Variants in COL24A1 observed in about 807,000 individuals in gnomAD.
The protein encoded by COL24A1 is collagen type XXIV alpha 1 chain.
In COL24A1, 224 loss-of-function variants were observed where a neutral mutation model predicts 253.9. The ratio of observed to expected loss-of-function variants is 0.88; its 90% CI spans 0.79 to 0.99. The LOEUF (loss-of-function observed/expected upper bound fraction) is 0.99, where lower values mean the gene tolerates loss of function less well. Ranked by LOEUF, COL24A1 falls within the 50% of genes least tolerant of loss-of-function variation. The pLI, the probability that COL24A1 is intolerant of heterozygous loss-of-function variation, is 0.00. For synonymous variants in COL24A1, 685 were observed against 673.7 expected (o/e 1.02, Z -0.26); for missense variants, 2,131 against 2,068.5 (o/e 1.03, Z -0.59).
intron 47 of COL24A1, among the ~76,000 whole-genome samples, chr1:85,792,413 G>T (rs545110404): frequency 6.6e-6 from 1 of 151,466 alleles, no homozygotes; most frequent in Non-Finnish European, 1.5e-5. Flanking sequence ...GAGACCAGGT[G>T]TGGTGGCTCA....
At chr1:85,924,100 C>A (rs188786287) in intron 24 of COL24A1, among the ~76,000 whole-genome samples, 2 of 152,134 alleles carry the variant, frequency 1.3e-5, no homozygotes, top group Non-Finnish European at 2.9e-5. Context: ...GACACATACA[C>A]CCTCCAAAGA....
At position 85,875,324 on chromosome 1, in the gene COL24A1, G is replaced by C. The variant is rs1262647728; in HGVS notation, c.3037C>G (p.Pro1013Ala). Residue 1013 changes from proline to alanine, a missense_variant, in exon 34 of 60, where the codon CCA (proline) becomes GCA (alanine). Coordinates refer to ENST00000370571, the MANE Select transcript of COL24A1 (RefSeq NM_152890.7). ...AGACCAGACTCTCCCTCAGTGCCTG[G>C]AGGTCCCTACAAGAGAATAATTTAA... ...PPGEMGMEGP[P>A]GTEGESGLQG... 6.2e-7 allele frequency: 1 copy of C among 1,613,466 alleles called. No individual in the cohort carries two copies. The highest frequency in any genetic ancestry group is 2.2e-5 in the East Asian group (1 of 44,876).
At chr1:85,847,631 G>C (rs1449242887) in intron 39 of COL24A1, 34 bp downstream of exon 39, 1 of 1,495,006 alleles carries the variant, frequency 6.7e-7, no homozygotes, top group Non-Finnish European at 9.3e-7. Context: ...CCCATCCACA[G>C]TGACTCAATT....
chr1:85,981,403 C>A (rs1342140145), intron 20 of COL24A1, among the ~76,000 whole-genome samples: 1 of 152,048 alleles, frequency 6.6e-6, no homozygotes, highest in Admixed American at 6.6e-5. Context: ...AGAAAGGACA[C>A]CCTATTCAAC....
At chr1:86,019,393 A>C (rs1464915670) in intron 18 of COL24A1, among the ~76,000 whole-genome samples, 1 of 64,842 alleles carries the variant, frequency 1.5e-5, no homozygotes. Flanking sequence ...TGGTTTCTAC[A>C]ATTTTTTTTT....
At chr1:85,745,527 T>C (rs768231957) in intron 55 of COL24A1, 21 bp from the exon 56 acceptor site, 2 of 1,591,132 alleles carry the variant, frequency 1.3e-6, no homozygotes, top group South Asian at 1.1e-5. Context: ...CAAAACCATT[T>C]GAGATTAGCA....
chr1:86,019,726 T>C (rs190560793), intron 18 of COL24A1, among the ~76,000 whole-genome samples: 12 of 152,238 alleles, frequency 7.9e-5, no homozygotes, highest in Admixed American at 4.6e-4. Context: ...AAATCAATTA[T>C]CTCCCTACCA....
intron 47 of COL24A1, among the ~76,000 whole-genome samples, chr1:85,799,299 A>G (rs1306388782): frequency 6.6e-6 from 1 of 150,802 alleles, no homozygotes; most frequent in Non-Finnish European, 1.5e-5. Context: ...AATGCTAAAA[A>G]TCCCAGAATA....
chr1:86,026,462 GA>G (rs1177000816), intron 14 of COL24A1, among the ~76,000 whole-genome samples: 2 of 152,200 alleles, frequency 1.3e-5, no homozygotes, highest in African/African-American at 4.8e-5. Context: ...TGAGGCTCAT[GA>G]AATCTGATGG....
chr1:85,987,456 A>T (rs1693816458), intron 20 of COL24A1, 145 bp downstream of exon 20: 1 of 732,034 alleles, frequency 1.4e-6, no homozygotes, highest in East Asian at 2.8e-5. Flanking sequence ...ACTATCTGAA[A>T]CCTAAAGTTT....
In COL24A1 at chr1:85,803,683, C is replaced by T. The variant is rs151255686; in HGVS notation, c.3951+13105G>A. On this transcript the variant is annotated intron_variant, in intron 47 of 59. Coordinates refer to ENST00000370571, the MANE Select transcript of COL24A1 (RefSeq NM_152890.7). ...ATTTTCCATTTCTGATTGTTAATTG[C>T]TAGTACATAGAAATACAATTAATTT... is the stretch of plus-strand genomic sequence containing the variant. Among the ~76,000 whole-genome samples the T allele has an allele frequency of 4.5e-3, 686 of 151,770 alleles. 4 individuals are homozygous for T. The highest frequency in any genetic ancestry group is 0.031 in the Middle Eastern group (9 of 294).
rs566500184 is a variant in COL24A1, at chr1:85,730,528, G to T, written c.*18C>A. 6.2e-7 allele frequency: 1 copy of T among 1,610,380 alleles called. No individual in the cohort carries two copies. The highest frequency in any genetic ancestry group is 1.1e-5 in the South Asian group (1 of 90,640). On this transcript the variant is annotated 3_prime_UTR_variant, in exon 60 of 60. Transcript: ENST00000370571. ...ATTACCTGGCCAACAGCCTGAATTCGGAACTAATTCAGAGACTTTACAGAA... is the reference window on the plus strand; with the variant it reads ...ATTACCTGGCCAACAGCCTGAATTCTGAACTAATTCAGAGACTTTACAGAA...
intron 32 of COL24A1, among the ~76,000 whole-genome samples, chr1:85,881,941 T>C (rs1681894532): frequency 6.6e-6 from 1 of 152,212 alleles, no homozygotes; most frequent in Non-Finnish European, 1.5e-5. Flanking sequence ...ATTACTAATC[T>C]TAAGTATTTC....
intron 57 of COL24A1, among the ~76,000 whole-genome samples, chr1:85,741,864 C>T (rs1166170435): frequency 6.6e-6 from 1 of 152,314 alleles, no homozygotes; most frequent in South Asian, 2.1e-4. Context: ...CTCTAAACTG[C>T]TCTTGATGAA....
At chr1:86,030,620 A>T (rs1444782186) in intron 14 of COL24A1, 1 of 152,284 alleles carries the variant, frequency 6.6e-6, no homozygotes, top group Non-Finnish European at 1.5e-5. Context: ...GCAAGAAGTG[A>T]AAAGGGACAA....
At chr1:86,112,210 G>C (rs1705690983) in intron 5 of COL24A1, among the ~76,000 whole-genome samples, 1 of 151,604 alleles carries the variant, frequency 6.6e-6, no homozygotes, top group African/African-American at 2.4e-5. Context: ...TTATTTCCTT[G>C]GTGTTTATTT....
chr1:85,945,630 C>T (rs1689258222), intron 24 of COL24A1, among the ~76,000 whole-genome samples: 2 of 147,396 alleles, frequency 1.4e-5, no homozygotes, highest in South Asian at 2.3e-4. Context: ...TATGTGGCAA[C>T]TAGATACATA....
In COL24A1 at chr1:85,965,069, G is replaced by C. The variant is rs1691431396; in HGVS notation, c.2464-7C>G. ...CCTTTTGACCTGGTTTTCCCTAGAAGAGAACAGCATAAAAGAAGAAAGTAT... is the reference window on the plus strand; with the variant it reads ...CCTTTTGACCTGGTTTTCCCTAGAACAGAACAGCATAAAAGAAGAAAGTAT... On this transcript the variant is annotated splice_region_variant and splice_polypyrimidine_tract_variant and intron_variant, in intron 22 of 59. Transcript: ENST00000370571. The C allele has an allele frequency of 1.2e-6, 2 of 1,606,342 alleles. No individual in the cohort carries two copies. Among genetic ancestry groups the C allele is most frequent in the Non-Finnish European group, 1.7e-6 (2 of 1,175,670 alleles).
intron 5 of COL24A1, among the ~76,000 whole-genome samples, chr1:86,109,325 A>T (rs1234712606): frequency 6.6e-6 from 1 of 151,966 alleles, no homozygotes; most frequent in Non-Finnish European, 1.5e-5. Flanking sequence ...CAGGTGAGAA[A>T]TTTTGGAAAT....
Sources: allele counts gnomAD v4.1 joint callset (sites outside exome capture counted in the v4.1 genomes callset), GRCh38; gene constraint gnomAD v4.1.1; transcripts MANE v1.5; gene names NCBI Gene and HGNC (gene_info 2026-07-23, HGNC 2026-07-21).